NEDD4L: variants seen among roughly 807,000 people sequenced by gnomAD.
The protein encoded by NEDD4L is E3 ubiquitin-protein ligase NEDD4-like.
Under a neutral mutation model 148.9 loss-of-function variants are expected in NEDD4L, and 54 were observed. That is an observed-to-expected ratio of 0.36 (90% CI 0.29 to 0.45). NEDD4L has a LOEUF of 0.45. NEDD4L is among the 20% of genes least tolerant of loss of function. NEDD4L has a pLI of 1.00. For missense variants in NEDD4L, 856 were observed against 1,233.8 expected (o/e 0.69, Z 4.59); for synonymous variants, 433 against 440.7 (o/e 0.98, Z 0.22).
At chr18:58,064,028 G>A in intron 1 of NEDD4L, among the ~76,000 whole-genome samples, 1 of 144,992 alleles carries the variant, frequency 6.9e-6, no homozygotes, top group South Asian at 2.1e-4. Context: ...GCAGTGGCGT[G>A]ATCTCGGCTC....
intron 1 of NEDD4L, among the ~76,000 whole-genome samples, chr18:58,123,989 T>C (rs1477152326): frequency 4.6e-5 from 7 of 152,236 alleles, no homozygotes; most frequent in Admixed American, 3.3e-4. Flanking sequence ...ACAGGCCTTA[T>C]GACGTTTCTC....
At chr18:58,322,768 G>A (rs772615607) in intron 7 of NEDD4L, among the ~76,000 whole-genome samples, 14 of 136,206 alleles carry the variant, frequency 1.0e-4, no homozygotes, top group Admixed American at 3.0e-4. Context: ...CCTGCCTTGC[G>A]TGCTGTGGAT....
chr18:58,229,094 G>A (rs371901201), intron 2 of NEDD4L, among the ~76,000 whole-genome samples: 2 of 152,102 alleles, frequency 1.3e-5, no homozygotes, highest in South Asian at 4.2e-4. Context: ...CATGGAAGAG[G>A]GTGATTTTTT....
intron 1 of NEDD4L, among the ~76,000 whole-genome samples, chr18:58,160,525 A>G (rs1252322735): frequency 2.0e-5 from 3 of 152,236 alleles, no homozygotes; most frequent in African/African-American, 7.2e-5. Flanking sequence ...TGTACAGCCA[A>G]TCTATGAATA....
At chr18:58,335,186 A>G (rs146886662) in intron 12 of NEDD4L, among the ~76,000 whole-genome samples, 8 of 152,248 alleles carry the variant, frequency 5.3e-5, no homozygotes, top group African/African-American at 1.2e-4. Context: ...TTATTTGACA[A>G]TGGCAGGCAA....
chr18:58,055,745 TTC>T (rs2082059097), intron 1 of NEDD4L, among the ~76,000 whole-genome samples: 2 of 152,254 alleles, frequency 1.3e-5, no homozygotes, highest in Non-Finnish European at 2.9e-5. Context: ...GATGTTTCAT[TTC>T]TCTCCACTGT....
intron 2 of NEDD4L, among the ~76,000 whole-genome samples, chr18:58,214,744 C>T (rs925898910): frequency 6.2e-5 from 9 of 144,622 alleles, no homozygotes; most frequent in Non-Finnish European, 1.4e-4. Context: ...AGGATGTTTT[C>T]TGAGGTGTGT....
At chr18:58,124,461 T>A (rs936630359) in intron 1 of NEDD4L, among the ~76,000 whole-genome samples, 4 of 152,220 alleles carry the variant, frequency 2.6e-5, no homozygotes, top group Non-Finnish European at 5.9e-5. Flanking sequence ...CTGCTCCAAG[T>A]GCCTTCTGTG....
chr18:58,069,277 G>A (rs1159674794), intron 1 of NEDD4L, among the ~76,000 whole-genome samples: 1 of 152,124 alleles, frequency 6.6e-6, no homozygotes, highest in Non-Finnish European at 1.5e-5. Context: ...CAACAGTGTG[G>A]GAGTGCAGTT....
At chr18:58,205,625 T>C (rs923890558) in intron 2 of NEDD4L, among the ~76,000 whole-genome samples, 3 of 151,790 alleles carry the variant, frequency 2.0e-5, no homozygotes, top group African/African-American at 4.8e-5. Context: ...ATAGAAAACA[T>C]GTAGGAAGGC....
chr18:58,075,648 G>T (rs75464470), intron 1 of NEDD4L, among the ~76,000 whole-genome samples: 8,736 of 152,226 alleles, frequency 0.057, 336 homozygotes, highest in East Asian at 0.16. Flanking sequence ...TTTTCAGGCT[G>T]GGTGTGGCGC....
At chr18:58,149,409 C>T (rs1372771213) in intron 1 of NEDD4L, 1 of 1,500,004 alleles carries the variant, frequency 6.7e-7, no homozygotes, top group Non-Finnish European at 8.9e-7. Context: ...GTGACCTTGT[C>T]ACCCGGCAGT....
At chr18:58,061,179 C>G (rs372027578) in intron 1 of NEDD4L, among the ~76,000 whole-genome samples, 1 of 152,166 alleles carries the variant, frequency 6.6e-6, no homozygotes, top group Non-Finnish European at 1.5e-5. Context: ...ACGATCATCT[C>G]GCCCCAAATG....
At chr18:58,345,932 T>TTG (rs1234218414) in intron 16 of NEDD4L, among the ~76,000 whole-genome samples, 1 of 150,636 alleles carries the variant, frequency 6.6e-6, no homozygotes, top group Non-Finnish European at 1.5e-5. Context: ...TGTTTTTTGT[T>TTG]TTTTTTAGCA....
intron 6 of NEDD4L, among the ~76,000 whole-genome samples, chr18:58,320,283 A>G (rs1319598446): frequency 2.0e-5 from 3 of 152,108 alleles, no homozygotes. Context: ...AAGCCTTCCC[A>G]TCACCCTGTA....
At chr18:58,228,977 C>T (rs78446063) in intron 2 of NEDD4L, among the ~76,000 whole-genome samples, 6 of 152,272 alleles carry the variant, frequency 3.9e-5, no homozygotes, top group South Asian at 2.1e-4. Context: ...ATTCTCGAGG[C>T]GCGGCTCACA....
intron 6 of NEDD4L, among the ~76,000 whole-genome samples, chr18:58,319,743 A>G (rs1416684777): frequency 1.3e-5 from 2 of 152,198 alleles, no homozygotes; most frequent in Admixed American, 6.5e-5. Flanking sequence ...GAGAATTTCA[A>G]TGAACGTGAA....
At chr18:58,391,633 C>T in intron 30 of NEDD4L, 74 bp downstream of exon 30, 1 of 984,048 alleles carries the variant, frequency 1.0e-6, no homozygotes, top group East Asian at 2.6e-5. Context: ...GGGCTCAAGG[C>T]TATTGAATGC....
intron 1 of NEDD4L, among the ~76,000 whole-genome samples, chr18:58,138,790 T>G (rs891710168): frequency 3.3e-5 from 5 of 152,212 alleles, no homozygotes; most frequent in African/African-American, 1.2e-4. Flanking sequence ...GAGTACTAAT[T>G]TCATTCACAA....
Sources: gnomAD v4.1 joint callset for allele counts (sites outside exome capture counted in the v4.1 genomes callset) on GRCh38, gnomAD v4.1.1 for gene constraint, MANE v1.5 for transcripts, NCBI Gene and HGNC (gene_info 2026-07-23, HGNC 2026-07-21) for gene names.